The following TECRL variants were observed in gnomAD, a reference collection of about 807,000 sequenced individuals.
The protein encoded by TECRL is trans-2,3-enoyl-CoA reductase like, also known as trans-2,3-enoyl-CoA reductase-like.
In TECRL, 63 loss-of-function variants were observed where a neutral mutation model predicts 52.8. The observed-to-expected ratio is 1.19, with a 90% CI of 0.97 to 1.47. The LOEUF (loss-of-function observed/expected upper bound fraction) is 1.47. TECRL is among the 40% of genes most tolerant of loss of function. TECRL has a pLI of 0.00. For synonymous variants in TECRL, 164 were observed against 141.9 expected (o/e 1.16, Z -1.10); for missense variants, 482 against 429.6 (o/e 1.12, Z -1.08).
At chr4:64,310,576 T>C (rs1172198181) in intron 5 of TECRL, among the ~76,000 whole-genome samples, 4 of 152,176 alleles carry the variant, frequency 2.6e-5, no homozygotes, top group Non-Finnish European at 4.4e-5. Context: ...ATGTGATTGA[T>C]TTACAGCAGT....
chr4:64,306,130 C>G (rs549360661), intron 6 of TECRL, among the ~76,000 whole-genome samples: 1 of 152,210 alleles, frequency 6.6e-6, no homozygotes, highest in South Asian at 2.1e-4. Context: ...TCTTGCCTCT[C>G]TTTATTATAT....
intron 9 of TECRL, among the ~76,000 whole-genome samples, chr4:64,285,079 CATAA>C (rs1014118976): frequency 4.9e-4 from 74 of 152,150 alleles, no homozygotes; most frequent in African/African-American, 1.7e-3. Context: ...TTATCCAGAT[CATAA>C]ATAAATAATA....
At chr4:64,409,047 C>T (rs984490185) in intron 1 of TECRL, 71 bp downstream of exon 1, 2 of 1,287,744 alleles carry the variant, frequency 1.6e-6, no homozygotes, top group African/African-American at 1.5e-5. Flanking sequence ...TTTAATCAAG[C>T]AATCAATAAT....
intron 2 of TECRL, among the ~76,000 whole-genome samples, chr4:64,337,350 C>T (rs1719176192): frequency 1.3e-5 from 2 of 152,086 alleles, no homozygotes. Flanking sequence ...GGAAGCATTC[C>T]CTTTGAAAAC....
chr4:64,345,628 C>T (rs1186016525), intron 2 of TECRL, among the ~76,000 whole-genome samples: 4 of 151,010 alleles, frequency 2.6e-5, no homozygotes, highest in Non-Finnish European at 4.4e-5. Flanking sequence ...TGCAGCACAC[C>T]AACATGGCAC....
At chr4:64,308,512 C>T (rs145462484) in intron 6 of TECRL, among the ~76,000 whole-genome samples, 133 of 152,306 alleles carry the variant, frequency 8.7e-4, no homozygotes, top group African/African-American at 3.1e-3. Flanking sequence ...GTGTAAGCCA[C>T]AGAAGGCTTC....
intron 1 of TECRL, among the ~76,000 whole-genome samples, chr4:64,403,739 A>G (rs1213921917): frequency 2.0e-5 from 3 of 151,716 alleles, no homozygotes; most frequent in Non-Finnish European, 4.4e-5. Flanking sequence ...ATTAATTCTT[A>G]TATCATGAAA....
intron 7 of TECRL, among the ~76,000 whole-genome samples, chr4:64,300,873 G>A (rs1199798962): frequency 6.6e-6 from 1 of 150,900 alleles, no homozygotes; most frequent in Non-Finnish European, 1.5e-5. Context: ...GACATGGCTA[G>A]CTCTTAAAAC....
At chr4:64,392,800 T>A (rs1723634210) in intron 1 of TECRL, among the ~76,000 whole-genome samples, 1 of 151,988 alleles carries the variant, frequency 6.6e-6, no homozygotes, top group Non-Finnish European at 1.5e-5. Context: ...TATGCTGTAC[T>A]TTATAAGTTA....
chr4:64,311,789 C>A (rs1717017399), intron 5 of TECRL, among the ~76,000 whole-genome samples: 1 of 152,034 alleles, frequency 6.6e-6, no homozygotes, highest in South Asian at 2.1e-4. Context: ...TTGTGGATTG[C>A]TAAATTAACT....
At chr4:64,308,588 T>C (rs1724486930) in intron 6 of TECRL, among the ~76,000 whole-genome samples, 1 of 152,182 alleles carries the variant, frequency 6.6e-6, no homozygotes, top group South Asian at 2.1e-4. Context: ...GCAATCTTCT[T>C]CAGGTACCCT....
chr4:64,374,245 A>G (rs12498623), intron 2 of TECRL, among the ~76,000 whole-genome samples: 134,609 of 150,382 alleles, frequency 0.9, 60,952 homozygotes, highest in East Asian at 1. Flanking sequence ...TCCTTCCTGC[A>G]TAGGCTTTCC....
Position 64,396,699 on chromosome 4 carries a change from T to C in TECRL, c.234+12419A>G, listed in dbSNP as rs562920865. Among the ~76,000 whole-genome samples the C allele has an allele frequency of 4.6e-5, 7 of 152,284 alleles. No individual in the cohort carries two copies. The East Asian group carries it at 1.4e-3, about 29-fold the overall frequency. ...ATTTTTTTATTATGTTGTAATTGCT[T>C]TGGGAGTCTTCATCATAAAATCTTT... On this transcript the variant is annotated intron_variant, in intron 1 of 11. Coordinates refer to ENST00000381210, the MANE Select transcript of TECRL (RefSeq NM_001010874.5).
chr4:64,355,658 C>T (rs1157634895), intron 2 of TECRL, among the ~76,000 whole-genome samples: 2 of 151,416 alleles, frequency 1.3e-5, no homozygotes, highest in African/African-American at 2.4e-5. Flanking sequence ...AAAAATTAGC[C>T]GGGCATGGTG....
chr4:64,337,026 G>C (rs539618361), intron 2 of TECRL, among the ~76,000 whole-genome samples: 1 of 152,050 alleles, frequency 6.6e-6, no homozygotes, highest in African/African-American at 2.4e-5. Flanking sequence ...TATTAGGTCC[G>C]CTTGGTGCAG....
intron 1 of TECRL, among the ~76,000 whole-genome samples, chr4:64,388,239 G>A (rs1484731518): frequency 1.1e-5 from 1 of 94,276 alleles, no homozygotes; most frequent in Non-Finnish European, 2.3e-5. Context: ...TTTTTTGCAT[G>A]TGGATGTCTA....
At position 64,280,083 on chromosome 4, in the gene TECRL, A is replaced by G; in HGVS notation, c.1081T>C (p.Phe361Leu). 6.3e-7 allele frequency: 1 copy of G among 1,591,864 alleles called. No individual in the cohort carries two copies. The highest frequency in any genetic ancestry group is 8.5e-7 in the Non-Finnish European group (1 of 1,171,760). ...ATAAGATTCTTTTTTTACAATATGA[A>G]TGGAATCATTGCTGATTTTCTATGA... ...YIHRKSAMIPFIL is the reference protein window; with the variant it reads ...YIHRKSAMIPLIL The change falls in exon 12 of 12, where the codon TTC becomes CTC. Residue 361 changes from phenylalanine to leucine, a missense_variant. Transcript: ENST00000381210.
At chr4:64,387,366 A>G (rs1723249761) in intron 1 of TECRL, among the ~76,000 whole-genome samples, 2 of 152,150 alleles carry the variant, frequency 1.3e-5, no homozygotes, top group South Asian at 4.1e-4. Context: ...CAGCTGCCAT[A>G]AACATCTTTA....
chr4:64,296,651 A>G (rs918136661), intron 8 of TECRL, among the ~76,000 whole-genome samples: 3 of 151,758 alleles, frequency 2.0e-5, no homozygotes, highest in Admixed American at 6.6e-5. Flanking sequence ...GAGAGTAAAA[A>G]TAAAGTTAAG....
Sources: gnomAD v4.1 joint callset for allele counts (sites outside exome capture counted in the v4.1 genomes callset) on GRCh38, gnomAD v4.1.1 for gene constraint, MANE v1.5 for transcripts, NCBI Gene and HGNC (gene_info 2026-07-23, HGNC 2026-07-21) for gene names.